CDCA2: variants seen among roughly 807,000 people sequenced by gnomAD.
The protein encoded by CDCA2 is cell division cycle associated 2, also known as cell division cycle-associated protein 2.
A neutral mutation model predicts 67.0 loss-of-function variants in CDCA2; 44 were observed. The ratio of observed to expected loss-of-function variants is 0.66; its 90% CI spans 0.52 to 0.84. CDCA2 has a LOEUF of 0.84. Among genes scored for constraint, CDCA2 ranks in the 40% least tolerant of loss-of-function variants. The probability of loss-of-function intolerance (pLI) is 0.00; values close to 1 mark genes in which losing one functional copy is unlikely to be tolerated. For missense variants in CDCA2, 1,253 were observed against 1,203.2 expected, an observed-to-expected ratio of 1.04 and a Z score of -0.61; for synonymous variants, 447 against 418.7, an observed-to-expected ratio of 1.07 and a Z score of -0.82.
At chr8:25,466,428 G>A in intron 5 of CDCA2, 103 bp downstream of exon 5, 3 of 1,061,386 alleles carry the variant, frequency 2.8e-6, no homozygotes, top group Admixed American at 3.6e-5. Flanking sequence ...CAGAACACAG[G>A]TATATTTATA....
chr8:25,478,594 C>T (rs1803438276), intron 7 of CDCA2, among the ~76,000 whole-genome samples: 1 of 152,194 alleles, frequency 6.6e-6, no homozygotes, highest in Non-Finnish European at 1.5e-5. Context: ...TTAACCTTTG[C>T]TCTGAGCTTA....
intron 6 of CDCA2, among the ~76,000 whole-genome samples, chr8:25,469,633 A>C (rs548563126): frequency 1.0e-3 from 154 of 152,328 alleles, no homozygotes; most frequent in African/African-American, 3.3e-3. Flanking sequence ...CTGGGGAATT[A>C]AAAGTTGATT....
At chr8:25,498,962 T>G (rs1804359445) in intron 13 of CDCA2, among the ~76,000 whole-genome samples, 1 of 152,178 alleles carries the variant, frequency 6.6e-6, no homozygotes, top group South Asian at 2.1e-4. Context: ...TTCAAGACAC[T>G]GCAGGATTTT....
At chr8:25,478,351 A>G (rs1348413755) in intron 7 of CDCA2, among the ~76,000 whole-genome samples, 4 of 152,144 alleles carry the variant, frequency 2.6e-5, no homozygotes, top group Admixed American at 1.3e-4. Flanking sequence ...GGTCCAGGCC[A>G]TCACCATCTC....
chr8:25,489,510 G>A (rs1198733678), intron 13 of CDCA2, among the ~76,000 whole-genome samples: 7 of 152,142 alleles, frequency 4.6e-5, no homozygotes, highest in Non-Finnish European at 1.0e-4. Flanking sequence ...GTCTGACTGA[G>A]TTATCCTCTC....
chr8:25,506,293 T>G (rs1266765115), intron 14 of CDCA2, among the ~76,000 whole-genome samples: 1 of 152,200 alleles, frequency 6.6e-6, no homozygotes, highest in African/African-American at 2.4e-5. Context: ...CTTTATTAAT[T>G]CATGCGTTGA....
At chr8:25,461,902 A>C in intron 3 of CDCA2, 152 bp from the exon 4 acceptor site, 5 of 675,524 alleles carry the variant, frequency 7.4e-6, no homozygotes, top group Non-Finnish European at 1.3e-5. Flanking sequence ...CACTGATTGT[A>C]TATGAATGAC....
At chr8:25,492,082 C>A (rs1215674395) in intron 13 of CDCA2, among the ~76,000 whole-genome samples, 1 of 151,990 alleles carries the variant, frequency 6.6e-6, no homozygotes, top group East Asian at 1.9e-4. Flanking sequence ...AGGCGTGAGC[C>A]ACCACGCCTG....
chr8:25,500,908 G>A (rs1033665394), intron 13 of CDCA2, among the ~76,000 whole-genome samples: 31 of 152,262 alleles, frequency 2.0e-4, no homozygotes, highest in African/African-American at 7.5e-4. Context: ...AAACAGTTAA[G>A]TAACAGAGTC....
At chr8:25,475,783 A>T (rs1803324580) in intron 7 of CDCA2, among the ~76,000 whole-genome samples, 1 of 152,080 alleles carries the variant, frequency 6.6e-6, no homozygotes, top group African/African-American at 2.4e-5. Context: ...TGTTAGCTGG[A>T]ATGCAGGAAG....
chr8:25,497,511 A>C (rs1456819814), intron 13 of CDCA2, among the ~76,000 whole-genome samples: 1 of 95,826 alleles, frequency 1.0e-5, no homozygotes, highest in Non-Finnish European at 2.7e-5. Context: ...AAAAATAAAA[A>C]AAAAAAAAAC....
rs1804745090 is a variant in CDCA2, at chr8:25,507,742, A to C, written c.*4A>C. 3 of 1,607,592 alleles carry C rather than the reference A, an allele frequency of 1.9e-6. No homozygotes were observed. The South Asian group carries it at 3.3e-5, about 18-fold the overall frequency. ...TAATGGAGAAAGAAAGCAGTAATTGACATTTCCTGCAGAGTCTGTGGCAAG... is the reference window on the plus strand; with the variant it reads ...TAATGGAGAAAGAAAGCAGTAATTGCCATTTCCTGCAGAGTCTGTGGCAAG... On this transcript the variant is annotated 3_prime_UTR_variant, in exon 15 of 15. Transcript: ENST00000330560.
chr8:25,462,081 G>T lies in CDCA2; in HGVS notation c.260G>T (p.Cys87Phe). 1 of 1,614,094 alleles carries T rather than the reference G, an allele frequency of 6.2e-7. No homozygotes were observed. Reference protein sequence around the residue: ...AGKSSSYLKKCRRRSAVGARG... With the variant: ...AGKSSSYLKKFRRRSAVGARG... Reference sequence around the variant, plus strand: ...AAGTCATCATCCTACCTTAAAAAATGTAGACGACGTTCTGCAGTCGGTGCT... The same window carrying T: ...AAGTCATCATCCTACCTTAAAAAATTTAGACGACGTTCTGCAGTCGGTGCT... The change falls in exon 4 of 15, where the codon TGT becomes TTT. Residue 87 changes from cysteine (C) to phenylalanine (F), a missense_variant. Transcript: ENST00000330560.
At position 25,468,556 on chromosome 8, in the gene CDCA2, T is replaced by TGTGTGTGTGC. The variant is rs1488757943; in HGVS notation, c.735+144_735+145insTGTGTGTGCG. On this transcript the variant is annotated intron_variant, in intron 6 of 14. Coordinates refer to ENST00000330560, the MANE Select transcript of CDCA2 (RefSeq NM_152562.4). The stretch of plus-strand genomic sequence containing the variant: ...GGGTGTGTGTGTGTGTGTGTGTGTG[T>TGTGTGTGTGC]GCGTGTGTGTGTGTGTGTTTCCTAC... The TGTGTGTGTGC allele has an allele frequency of 9.1e-4, 452 of 494,118 alleles. 1 individual carries two copies. Among genetic ancestry groups the TGTGTGTGTGC allele is most frequent in the East Asian group, 2.2e-3 (69 of 31,340 alleles). The allele number at this position is 494,118 out of a possible 1,614,324, so 30.6% of individuals were successfully genotyped here.
At chr8:25,469,514 C>G (rs939917144) in intron 6 of CDCA2, among the ~76,000 whole-genome samples, 4 of 152,038 alleles carry the variant, frequency 2.6e-5, no homozygotes, top group African/African-American at 4.8e-5. Context: ...TATCGTTTGG[C>G]GTTTGATTAA....
rs750476164 is a variant in CDCA2 at position 25,462,179 on chromosome 8, T to C, written c.358T>C (p.Ser120Pro). The change falls in exon 4 of 15, where the codon TCT becomes CCT. Residue 120 changes from serine (S) to proline (P), a missense_variant. Coordinates refer to ENST00000330560, the MANE Select transcript of CDCA2 (RefSeq NM_152562.4). ...GCAAAATATAAAGAATGCTAGGAAA[T>C]CTCCTTTGGCACAAGATTCTCCTTC... ...RQQNIKNARK[S>P]PLAQDSPSQG... The C allele has an allele frequency of 5.6e-6, 9 of 1,614,000 alleles. No individual in the cohort carries two copies. In the South Asian group the frequency reaches 9.9e-5, roughly 18 times the overall value.
At chr8:25,482,516 A>G (rs1447363197) in intron 8 of CDCA2, among the ~76,000 whole-genome samples, 1 of 152,248 alleles carries the variant, frequency 6.6e-6, no homozygotes, top group Non-Finnish European at 1.5e-5. Flanking sequence ...TAAAAACAAT[A>G]ACATATAACA....
intron 7 of CDCA2, among the ~76,000 whole-genome samples, chr8:25,470,884 C>T (rs1207415271): frequency 2.0e-5 from 3 of 152,020 alleles, no homozygotes; most frequent in Non-Finnish European, 4.4e-5. Flanking sequence ...GTTTCAGCCT[C>T]CTGAGTAGCT....
In CDCA2 at chr8:25,497,492, T is replaced by TAAAAAA. The variant is rs535097107; in HGVS notation, c.1672-5880_1672-5875dup. On this transcript the variant is annotated intron_variant, in intron 13 of 14. Coordinates refer to ENST00000330560, the MANE Select transcript of CDCA2 (RefSeq NM_152562.4). Reference sequence around the variant, plus strand: ...AGATCTTACTTACATGTGGAATCTTTAAAAAATAAAAAATAAAAAAAAAAA... The same window carrying TAAAAAA: ...AGATCTTACTTACATGTGGAATCTTTAAAAAAAAAAAATAAAAAATAAAAAAAAAAA... Among the ~76,000 whole-genome samples the TAAAAAA allele has an allele frequency of 2.1e-3, 71 of 34,228 alleles. 4 individuals carry two copies. Among genetic ancestry groups the TAAAAAA allele is most frequent in the African/African-American group, 3.7e-3 (68 of 18,608 alleles). 22.5% of individuals were successfully genotyped at this position (34,228 alleles called of 152,430 possible). A position where few individuals can be genotyped will look rare whatever the true frequency, so the allele number is the denominator to read the frequency against.
Sources: allele counts gnomAD v4.1 joint callset (sites outside exome capture counted in the v4.1 genomes callset), GRCh38; gene constraint gnomAD v4.1.1; transcripts MANE v1.5; gene names NCBI Gene and HGNC (gene_info 2026-07-23, HGNC 2026-07-21).